Variants in RBM6 observed in about 807,000 individuals in gnomAD.
RBM6 encodes RNA binding motif protein 6.
Under a neutral mutation model 140.4 loss-of-function variants are expected in RBM6, and 23 were observed. That is an observed-to-expected ratio of 0.16 (90% CI 0.12 to 0.23). The LOEUF is 0.23. Among genes scored for constraint, RBM6 ranks in the 10% least tolerant of loss-of-function variants. RBM6 has a pLI of 1.00. For missense variants in RBM6, 1,139 were observed against 1,386.7 expected (o/e 0.82, Z 2.84); for synonymous variants, 439 against 475.6 (o/e 0.92, Z 1.00).
intron 4 of RBM6, among the ~76,000 whole-genome samples, chr3:49,973,168 G>T (rs1368363521): frequency 1.3e-5 from 2 of 152,052 alleles, no homozygotes; most frequent in East Asian, 1.9e-4. Flanking sequence ...TCACTTTGTT[G>T]CCCAGGCTGG....
chr3:49,970,909 C>A (rs1298946633), intron 3 of RBM6, among the ~76,000 whole-genome samples: 1 of 151,956 alleles, frequency 6.6e-6, no homozygotes, highest in Non-Finnish European at 1.5e-5. Flanking sequence ...GTGGGCAGAT[C>A]ATTTGAGGTC....
intron 5 of RBM6, among the ~76,000 whole-genome samples, chr3:49,997,939 A>G (rs2086159910): frequency 6.6e-6 from 1 of 152,214 alleles, no homozygotes. Context: ...ATTTTGTGGT[A>G]AGTTTGGAGG....
intron 5 of RBM6, among the ~76,000 whole-genome samples, chr3:49,997,989 T>C (rs2108731740): frequency 6.6e-6 from 1 of 152,300 alleles, no homozygotes; most frequent in East Asian, 1.9e-4. Flanking sequence ...TAAAAGTAGA[T>C]TAGAAAATCT....
intron 15 of RBM6, among the ~76,000 whole-genome samples, chr3:50,062,699 T>G (rs1437804038): frequency 6.6e-6 from 1 of 152,112 alleles, no homozygotes; most frequent in Admixed American, 6.6e-5. Context: ...TTTGACTTTA[T>G]ACACATTTCT....
At chr3:49,965,586 C>T (rs986486795) in intron 2 of RBM6, among the ~76,000 whole-genome samples, 6 of 151,862 alleles carry the variant, frequency 4.0e-5, no homozygotes, top group African/African-American at 7.3e-5. Context: ...AGGAGAATGG[C>T]GTGAACCCGG....
At chr3:50,003,341 C>G (rs1237354794) in intron 6 of RBM6, among the ~76,000 whole-genome samples, 1 of 144,408 alleles carries the variant, frequency 6.9e-6, no homozygotes, top group Non-Finnish European at 1.5e-5. Flanking sequence ...AAGTCTTTGT[C>G]TATCCTTTCC....
At chr3:50,056,325 T>A (rs1336224124) in intron 8 of RBM6, among the ~76,000 whole-genome samples, 2 of 151,882 alleles carry the variant, frequency 1.3e-5, no homozygotes, top group Non-Finnish European at 2.9e-5. Context: ...GACGGAGTCT[T>A]GCTCTGTCAC....
chr3:49,989,780 G>A (rs1414045218), intron 5 of RBM6, among the ~76,000 whole-genome samples: 2 of 152,038 alleles, frequency 1.3e-5, no homozygotes, highest in Non-Finnish European at 2.9e-5. Flanking sequence ...CTCTCCCACT[G>A]TCACCCAGGC....
intron 15 of RBM6, 44 bp from the exon 16 acceptor site, chr3:50,064,984 GTTA>G (rs1559650004): frequency 6.6e-7 from 1 of 1,513,452 alleles, no homozygotes; most frequent in Non-Finnish European, 9.2e-7. Context: ...GCCTTTATCA[GTTA>G]TTATGAGTGA....
chr3:49,962,530 T>C, intron 1 of RBM6, 46 bp from the exon 2 acceptor site: 2 of 910,190 alleles, frequency 2.2e-6, no homozygotes, highest in African/African-American at 1.8e-5. Context: ...GTTTAGCTTT[T>C]AGTTCACATT....
At chr3:50,047,205 CTG>C in intron 6 of RBM6, 4 of 985,154 alleles carry the variant, frequency 4.1e-6, no homozygotes, top group Non-Finnish European at 4.8e-6. Context: ...AAGCAAGAAA[CTG>C]AGGTCCAATT....
chr3:49,998,107 C>T (rs1278583745), intron 5 of RBM6, among the ~76,000 whole-genome samples: 1 of 152,166 alleles, frequency 6.6e-6, no homozygotes, highest in Admixed American at 6.5e-5. Flanking sequence ...TGTAATGTTT[C>T]ACAGTTAACT....
chr3:50,064,816 G>A (rs958422872), intron 15 of RBM6, among the ~76,000 whole-genome samples: 15 of 152,164 alleles, frequency 9.9e-5, no homozygotes, highest in Admixed American at 6.5e-4. Context: ...GGGACTACAG[G>A]TGCCCGCCAC....
chr3:49,989,624 A>T lies in RBM6; in HGVS notation c.1484-9816A>T, dbSNP rs1002480598. ...TAATAATATTTGTGTAAGTACAGGG[A>T]TATGTTTCTTCAACTCCAAAGTATG... On this transcript the variant is annotated intron_variant, in intron 5 of 20. Transcript: ENST00000266022. 2.0e-5 allele frequency among the ~76,000 whole-genome samples: 3 copies of T among 152,172 alleles called. No homozygotes were observed. In the South Asian group the frequency reaches 6.2e-4, roughly 32 times the overall value.
intron 20 of RBM6, among the ~76,000 whole-genome samples, chr3:50,076,542 C>T (rs1176269499): frequency 2.6e-5 from 4 of 151,208 alleles, no homozygotes; most frequent in East Asian, 2.0e-4. Context: ...AGATCTTGAT[C>T]GTGCCACTGC....
At chr3:50,004,538 C>G (rs1240365941) in intron 6 of RBM6, among the ~76,000 whole-genome samples, 3 of 147,572 alleles carry the variant, frequency 2.0e-5, no homozygotes, top group Non-Finnish European at 4.4e-5. Flanking sequence ...GTCTTGAACT[C>G]CTGGACTCAA....
At chr3:49,977,917 G>C (rs1018169176) in intron 5 of RBM6, among the ~76,000 whole-genome samples, 2 of 152,038 alleles carry the variant, frequency 1.3e-5, no homozygotes, top group Non-Finnish European at 2.9e-5. Context: ...GAGAATTTGA[G>C]ATCAGCCTGA....
chr3:49,967,947 C>T lies in RBM6; in HGVS notation c.522C>T (p.Asp174=), dbSNP rs771018490. 3.1e-6 allele frequency: 5 copies of T among 1,614,170 alleles called. No individual in the cohort carries two copies. The Admixed American group carries it at 5.0e-5, about 16-fold the overall frequency. ...GAGGTAGGGATGCTCCTCCATCTGA[C>T]TTCAGGGGCCGGGGCACTTATGATT... is the stretch of plus-strand genomic sequence containing the variant. ...DFRGRDAPPS[D]FRGRGTYDLD... Residue 174 remains aspartate, a synonymous_variant, in exon 3 of 21, where the codon GAC becomes GAT. Transcript: ENST00000266022. This position sits in a 1 kb window ranked among gnomAD's most constrained non-coding sequence, Gnocchi z 4.0.
chr3:49,960,910 C>CT (rs1439558901), intron 1 of RBM6, among the ~76,000 whole-genome samples: 1,801 of 132,268 alleles, frequency 0.014, 24 homozygotes, highest in African/African-American at 0.03. Context: ...CCCAGAGTAC[C>CT]TTTTTTTTTT....
Sources: allele counts gnomAD v4.1 joint callset (sites outside exome capture counted in the v4.1 genomes callset), GRCh38; gene constraint gnomAD v4.1.1; non-coding constraint Gnocchi (gnomAD v3.1); transcripts MANE v1.5; gene names NCBI Gene and HGNC (gene_info 2026-07-23, HGNC 2026-07-21).